Variants in NEB observed in about 807,000 individuals in gnomAD.
The protein encoded by NEB is nebulin.
In NEB, 512 loss-of-function variants were observed where a neutral mutation model predicts 952.2. That is an observed-to-expected ratio of 0.54 (90% CI 0.50 to 0.58). The LOEUF (loss-of-function observed/expected upper bound fraction) is 0.58, where lower values mean the gene tolerates loss of function less well. Ranked by LOEUF, NEB falls within the 20% of genes least tolerant of loss-of-function variation. The pLI is 0.00. For missense variants in NEB, 8,428 were observed against 9,231.1 expected (o/e 0.91, Z 3.56); for synonymous variants, 2,900 against 3,149.8 (o/e 0.92, Z 2.66).
chr2:151,494,559 C>CCAAA (rs1253408535), intron 173 of NEB, among the ~76,000 whole-genome samples: 3 of 152,148 alleles, frequency 2.0e-5, no homozygotes, highest in African/African-American at 7.2e-5. Flanking sequence ...GAGAGATGAT[C>CCAAA]CAAACAGGAG....
At position 151,672,396 on chromosome 2, in the gene NEB, C is replaced by T. The variant is rs35654397; in HGVS notation, c.4272G>A (p.Thr1424=). 55 of 1,605,126 alleles carry T rather than the reference C, an allele frequency of 3.4e-5. No homozygotes were observed. Among genetic ancestry groups the T allele is most frequent in the Non-Finnish European group, 4.3e-5 (51 of 1,173,450 alleles). Reference sequence around the variant, plus strand: ...CACTCTGAATTTGATTGACATTCCTCGTATGCTCAAGACTCATGGCGTCAG... The same window carrying T: ...CACTCTGAATTTGATTGACATTCCTTGTATGCTCAAGACTCATGGCGTCAG... The part of the protein sequence containing the change: ...YLPDAMSLEH[T]RNVNQIQSDN... Residue 1424 remains threonine, a synonymous_variant, in exon 37 of 182, where the codon ACG becomes ACA. Coordinates refer to ENST00000397345, the MANE Select transcript of NEB (RefSeq NM_001164508.2).
intron 142 of NEB, among the ~76,000 whole-genome samples, chr2:151,535,047 T>C (rs952549819): frequency 6.6e-6 from 1 of 152,222 alleles, no homozygotes; most frequent in Non-Finnish European, 1.5e-5. Flanking sequence ...CAACTTTAAC[T>C]ATAAAACCAT....
chr2:151,666,336 A>G lies in NEB; in HGVS notation c.4785T>C (p.Asp1595=). ...TCATGTAGTGAACCAGTTTAGGATC[A>G]TCCTGAAGACTGAGAAATCCAACTT... ...GKQVGFLSLQ[D]DPKLVHYMNV... Residue 1595 remains aspartate (D), a synonymous_variant, in exon 41 of 182, where the codon GAT becomes GAC. Coordinates refer to ENST00000397345, the MANE Select transcript of NEB (RefSeq NM_001164508.2). 6.2e-7 allele frequency: 1 copy of G among 1,613,932 alleles called. No homozygotes were observed. The highest frequency in any genetic ancestry group is 2.2e-5 in the East Asian group (1 of 44,862).
At chr2:151,678,736 A>G (rs1317916569) in intron 32 of NEB, among the ~76,000 whole-genome samples, 2 of 151,954 alleles carry the variant, frequency 1.3e-5, no homozygotes, top group Non-Finnish European at 2.9e-5. Flanking sequence ...GCTTCCTCAG[A>G]GATATGTGGA....
chr2:151,710,457 T>C lies in NEB; in HGVS notation c.904A>G (p.Met302Val), dbSNP rs755508128. 5 of 1,612,280 alleles carry C rather than the reference T, an allele frequency of 3.1e-6. No individual in the cohort carries two copies. The highest frequency in any genetic ancestry group is 2.2e-5 in the East Asian group (1 of 44,876). Residue 302 changes from methionine to valine, a missense_variant, in exon 11 of 182, where the codon ATG becomes GTG. Met to Val is a conservative substitution (Grantham distance 21, BLOSUM62 1). Coordinates refer to ENST00000397345, the MANE Select transcript of NEB (RefSeq NM_001164508.2). ...ACTGTGCTAATGTTATCAGCATTCA[T>C]TCTGGCATTTGCAACTTCAAAGCAA... is the stretch of plus-strand genomic sequence containing the variant. ...TPCFEVANAR[M>V]NADNISTRKY...
chr2:151,549,851 A>G, intron 129 of NEB, 111 bp from the exon 130 acceptor site: 1 of 642,224 alleles, frequency 1.6e-6, no homozygotes, highest in Non-Finnish European at 2.8e-6. Flanking sequence ...TACTTAATAC[A>G]CTTATGCTCA....
At chr2:151,726,519 C>T (rs2099790898) in intron 5 of NEB, among the ~76,000 whole-genome samples, 1 of 152,096 alleles carries the variant, frequency 6.6e-6, no homozygotes, top group African/African-American at 2.4e-5. Flanking sequence ...TTTTTTTAAG[C>T]CTCCAGAGGA....
intron 65 of NEB, among the ~76,000 whole-genome samples, chr2:151,632,155 A>G (rs915413733): frequency 6.6e-6 from 1 of 152,098 alleles, no homozygotes; most frequent in Non-Finnish European, 1.5e-5. Flanking sequence ...TTCTCACTTT[A>G]TTAAAAAATT....
rs35808744 is a variant in NEB, at chr2:151,506,954, C to A, written c.23511G>T (p.Thr7837=). 4 of 1,611,502 alleles carry A rather than the reference C, an allele frequency of 2.5e-6. No homozygotes were observed. The highest frequency in any genetic ancestry group is 3.4e-6 in the Non-Finnish European group (4 of 1,178,460). ...SKGKITVVQD[T]PEILRVKENQ... ...TTTCTTTTACACGCAGTATTTCTGG[C>A]GTGTCTTGAACAACTGTAATTTTTC... Residue 7837 remains threonine (T), a synonymous_variant, in exon 163 of 182, where the codon ACG becomes ACT. Transcript: ENST00000397345.
Position 151,518,999 on chromosome 2 carries a change from T to C in NEB, c.22661A>G (p.Asn7554Ser). The C allele has an allele frequency of 6.2e-7, 1 of 1,613,662 alleles. No homozygotes were observed. Residue 7554 changes from asparagine to serine, a missense_variant, in exon 155 of 182, where the codon AAT becomes AGT. Asn to Ser is a conservative substitution (Grantham distance 46). This residue lies in a region of NEB where 3,374 missense variants were observed against 3,651.5 expected (regional missense o/e 0.92). Coordinates refer to ENST00000397345, the MANE Select transcript of NEB (RefSeq NM_001164508.2). Reference sequence around the variant, plus strand: ...AAGTTGGCTTGTATTCAGGACATGATTCATGATCAGAGACTCCTTCATGTC... The same window carrying C: ...AAGTTGGCTTGTATTCAGGACATGACTCATGATCAGAGACTCCTTCATGTC... ...VTDMKESLIM[N>S]HVLNTSQLAS... is the part of the protein sequence containing the mutation.
chr2:151,724,756 C>A lies in NEB; in HGVS notation c.507+101G>T. 3.4e-6 allele frequency: 3 copies of A among 884,922 alleles called. No individual in the cohort carries two copies. In the South Asian group the frequency reaches 4.9e-5, roughly 15 times the overall value. The allele number at this position is 884,922 out of a possible 1,614,324, so 54.8% of individuals were successfully genotyped here. On this transcript the variant is annotated intron_variant, in intron 7 of 181. Transcript: ENST00000397345. ...TATTGAACTCACACTGCCCATGAGG[C>A]TGGTGGGCAGGATCAGGCCTGTCCA...
rs1579200465 is a variant in NEB, at chr2:151,610,833, T to G, written c.11839A>C (p.Thr3947Pro). The G allele has an allele frequency of 1.2e-6, 2 of 1,601,156 alleles. No homozygotes were observed. Among genetic ancestry groups the G allele is most frequent in the Non-Finnish European group, 1.7e-6 (2 of 1,173,590 alleles). The change falls in exon 79 of 182, where the codon ACC (threonine) becomes CCC (proline). Residue 3947 changes from threonine to proline, a missense_variant. Transcript: ENST00000397345. ...LYTEAWDADK[T>P]SIHVMPDTPD... ...GTGTCTGGCATCACGTGGATGGAGG[T>G]TTTGTCAGCATCCCAAGCTTCTGTG...
At chr2:151,714,606 A>G (rs2099754193) in intron 10 of NEB, among the ~76,000 whole-genome samples, 1 of 152,154 alleles carries the variant, frequency 6.6e-6, no homozygotes, top group South Asian at 2.1e-4. Context: ...CTGATTTTTC[A>G]GCCAACCTTC....
chr2:151,609,784 C>G (rs1212526792), intron 81 of NEB, 25 bp downstream of exon 81: 2 of 1,547,190 alleles, frequency 1.3e-6, no homozygotes, highest in African/African-American at 2.7e-5. Flanking sequence ...CCCCTTCCCC[C>G]TTTCCCAAAA....
chr2:151,618,173 T>C, intron 74 of NEB, 102 bp downstream of exon 74: 2 of 1,046,054 alleles, frequency 1.9e-6, no homozygotes, highest in Admixed American at 2.0e-5. Context: ...TAAGAAGGTA[T>C]CATAATGCTT....
intron 74 of NEB, among the ~76,000 whole-genome samples, chr2:151,617,952 T>C (rs1384476391): frequency 3.3e-5 from 5 of 152,020 alleles, no homozygotes; most frequent in African/African-American, 1.2e-4. Flanking sequence ...CCCAGCTACT[T>C]GGGAGGCTGA....
Position 151,540,517 on chromosome 2 carries a change from A to G in NEB, c.20788-69T>C, listed in dbSNP as rs1019317238. 1.6e-5 allele frequency: 21 copies of G among 1,281,486 alleles called. No individual in the cohort carries two copies. The East Asian group carries it at 3.3e-4, about 20-fold the overall frequency. 79.4% of individuals were successfully genotyped at this position (1,281,486 alleles called of 1,614,324 possible). ...CCCAATTTCCAACCAAGCCACCTAC[A>G]GGTCTTGTGGAGGGGCACAATGTGT... On this transcript the variant is annotated intron_variant, in intron 137 of 181. Transcript: ENST00000397345.
At chr2:151,720,670 G>A (rs1178623440) in intron 9 of NEB, among the ~76,000 whole-genome samples, 1 of 152,126 alleles carries the variant, frequency 6.6e-6, no homozygotes, top group African/African-American at 2.4e-5. Context: ...GAGATTAACT[G>A]TCTTCTTGGA....
chr2:151,552,555 T>G (rs942094942), intron 128 of NEB, 117 bp downstream of exon 128: 7 of 664,596 alleles, frequency 1.1e-5, no homozygotes, highest in Non-Finnish European at 1.6e-5. Flanking sequence ...ACGCACCAAC[T>G]CTGGTTTCCC....
Sources: gnomAD v4.1 joint callset for allele counts (sites outside exome capture counted in the v4.1 genomes callset) on GRCh38, gnomAD v4.1.1 for gene constraint, gnomAD v4.1.1 regional missense constraint, MANE v1.5 for transcripts, NCBI Gene and HGNC (gene_info 2026-07-23, HGNC 2026-07-21) for gene names.